The following PTPRD variants were observed in gnomAD, a reference collection of about 807,000 sequenced individuals.
PTPRD encodes the protein receptor-type tyrosine-protein phosphatase delta.
PTPRD carries 34 observed loss-of-function variants against 214.5 expected under a neutral mutation model. The ratio of observed to expected loss-of-function variants is 0.16; its 90% CI spans 0.12 to 0.21. PTPRD has a LOEUF of 0.21. Among genes scored for constraint, PTPRD ranks in the 10% least tolerant of loss-of-function variants. PTPRD has a pLI of 1.00. For synonymous variants in PTPRD, 1,128 were observed against 845.7 expected, an observed-to-expected ratio of 1.33 and a Z score of -5.79; for missense variants, 2,545 against 2,398.7, an observed-to-expected ratio of 1.06 and a Z score of -1.27.
chr9:9,933,316 C>T (rs2087581933), intron 5 of PTPRD, among the ~76,000 whole-genome samples: 1 of 152,062 alleles, frequency 6.6e-6, no homozygotes. Context: ...CATCAGTGTG[C>T]TGTATTCAGG....
chr9:10,358,014 T>C (rs987844788), intron 2 of PTPRD, among the ~76,000 whole-genome samples: 1 of 152,154 alleles, frequency 6.6e-6, no homozygotes, highest in African/African-American at 2.4e-5. Flanking sequence ...TCAAAAGCAC[T>C]AACTACTGTG....
chr9:8,813,826 T>C (rs537733964), intron 11 of PTPRD, among the ~76,000 whole-genome samples: 11 of 152,338 alleles, frequency 7.2e-5, no homozygotes, highest in South Asian at 4.1e-4. Flanking sequence ...ACAGAAAGAA[T>C]TGGCTTACTG....
At chr9:10,376,151 AGGTTATAAGACTAGTTACTACTGAT>A (rs2097724051) in intron 2 of PTPRD, among the ~76,000 whole-genome samples, 1 of 151,898 alleles carries the variant, frequency 6.6e-6, no homozygotes, top group Admixed American at 6.6e-5. Context: ...AATTAGGTAA[AGGTTATAAGACTAGTTACTACTGAT>A]GTGTGATGAG....
At chr9:10,520,901 C>T (rs1206982407) in intron 2 of PTPRD, among the ~76,000 whole-genome samples, 4 of 151,416 alleles carry the variant, frequency 2.6e-5, no homozygotes, top group African/African-American at 9.7e-5. Context: ...AGATTCCTTT[C>T]TAAATATGAC....
intron 7 of PTPRD, among the ~76,000 whole-genome samples, chr9:9,689,165 C>T (rs2097217899): frequency 6.6e-6 from 1 of 151,694 alleles, no homozygotes; most frequent in African/African-American, 2.4e-5. Flanking sequence ...GTTTTAGATT[C>T]CAATTTCACG....
chr9:9,473,789 AT>A (rs140546766), intron 8 of PTPRD, among the ~76,000 whole-genome samples: 2,369 of 147,706 alleles, frequency 0.016, 70 homozygotes, highest in African/African-American at 0.056. Flanking sequence ...AAAAATGGAT[AT>A]TCAGACTTTT....
At chr9:9,089,418 C>T (rs1234794773) in intron 10 of PTPRD, among the ~76,000 whole-genome samples, 1 of 152,102 alleles carries the variant, frequency 6.6e-6, no homozygotes, top group East Asian at 1.9e-4. Context: ...GACAATTGCT[C>T]CCCAGATTCA....
intron 5 of PTPRD, among the ~76,000 whole-genome samples, chr9:9,820,463 G>A (rs1336034902): frequency 6.6e-6 from 1 of 152,008 alleles, no homozygotes; most frequent in Admixed American, 6.6e-5. Context: ...TAGTACATTT[G>A]TTATGCAGAA....
intron 7 of PTPRD, among the ~76,000 whole-genome samples, chr9:9,719,058 TA>T (rs1223386103): frequency 6.6e-6 from 1 of 152,140 alleles, no homozygotes; most frequent in Non-Finnish European, 1.5e-5. Context: ...CTTGATGTCT[TA>T]TGGCCAGTTG....
intron 11 of PTPRD, among the ~76,000 whole-genome samples, chr9:8,819,473 C>G (rs761150073): frequency 6.6e-6 from 1 of 152,044 alleles, no homozygotes; most frequent in Non-Finnish European, 1.5e-5. Flanking sequence ...ATCAGCCTGG[C>G]CAACATGGCG....
intron 3 of PTPRD, among the ~76,000 whole-genome samples, chr9:10,235,995 G>A (rs1416490424): frequency 2.0e-5 from 3 of 151,856 alleles, no homozygotes; most frequent in Non-Finnish European, 2.9e-5. Flanking sequence ...GGAACTGGGC[G>A]AGGAAAGCTG....
intron 30 of PTPRD, among the ~76,000 whole-genome samples, chr9:8,473,540 G>A (rs1018253883): frequency 1.3e-5 from 2 of 152,132 alleles, no homozygotes; most frequent in East Asian, 1.9e-4. Flanking sequence ...AAAGTCAGAA[G>A]AGCGCTACAC....
intron 8 of PTPRD, among the ~76,000 whole-genome samples, chr9:9,406,719 T>C (rs1436461771): frequency 6.6e-6 from 1 of 151,754 alleles, no homozygotes; most frequent in East Asian, 1.9e-4. Context: ...ACTGACAAAG[T>C]TGGATGCTTG....
chr9:9,016,770 C>T (rs907858472), intron 11 of PTPRD, among the ~76,000 whole-genome samples: 19 of 152,118 alleles, frequency 1.2e-4, no homozygotes, highest in African/African-American at 4.1e-4. Context: ...CCAAGACTCC[C>T]CAGTTATGTC....
rs557911541 is a variant in PTPRD at position 9,375,552 on chromosome 9, C to T, written c.-203+21897G>A. ...CGGAGGCTGCAGTGAGCCAAGATTG[C>T]GCCACTGCACTCTAGCCTGGGCAAC... On this transcript the variant is annotated intron_variant, in intron 9 of 45. Coordinates refer to ENST00000381196, the MANE Select transcript of PTPRD (RefSeq NM_002839.4). 2.1e-4 allele frequency among the ~76,000 whole-genome samples: 32 copies of T among 152,102 alleles called. No individual in the cohort carries two copies. In the East Asian group the frequency reaches 3.7e-3, roughly 17 times the overall value.
In PTPRD at chr9:8,597,647, A is replaced by G. The variant is rs115222708; in HGVS notation, c.352+35670T>C. Among the ~76,000 whole-genome samples the G allele has an allele frequency of 5.9e-3, 895 of 152,304 alleles. 10 individuals are homozygous for G. The highest frequency in any genetic ancestry group is 0.02 in the African/African-American group (847 of 41,578). The stretch of plus-strand genomic sequence containing the variant: ...TTCTGAACACTTTTTGTTGGGCTCT[A>G]AATCAATATCAATTTCATGCTCACT... On this transcript the variant is annotated intron_variant, in intron 14 of 45. Transcript: ENST00000381196.
At chr9:9,882,617 TA>T (rs1172590060) in intron 5 of PTPRD, among the ~76,000 whole-genome samples, 2 of 152,212 alleles carry the variant, frequency 1.3e-5, no homozygotes, top group African/African-American at 4.8e-5. Flanking sequence ...GAATTATCTA[TA>T]AGCCCACTGT....
At chr9:10,143,490 G>C (rs1362868878) in intron 3 of PTPRD, among the ~76,000 whole-genome samples, 2 of 151,974 alleles carry the variant, frequency 1.3e-5, no homozygotes, top group African/African-American at 2.4e-5. Context: ...CCACCATGGA[G>C]AGCAGTCTGG....
intron 10 of PTPRD, among the ~76,000 whole-genome samples, chr9:9,115,146 G>T (rs1362787299): frequency 6.6e-6 from 1 of 152,096 alleles, no homozygotes; most frequent in Non-Finnish European, 1.5e-5. Flanking sequence ...TATTTCTGGT[G>T]GTTATTCTAT....
Sources: allele counts gnomAD v4.1 joint callset (sites outside exome capture counted in the v4.1 genomes callset), GRCh38; gene constraint gnomAD v4.1.1; transcripts MANE v1.5; gene names NCBI Gene and HGNC (gene_info 2026-07-23, HGNC 2026-07-21).